Variants in ETV3 observed in about 807,000 individuals in gnomAD.
The protein encoded by ETV3 is ETS variant transcription factor 3, also known as ETS translocation variant 3.
ETV3 carries 8 observed loss-of-function variants against 33.0 expected under a neutral mutation model. That is an observed-to-expected ratio of 0.24 (90% confidence interval 0.14 to 0.44). The LOEUF is 0.44. Among genes scored for constraint, ETV3 ranks in the 20% least tolerant of loss-of-function variants. The pLI is 1.00. For synonymous variants in ETV3, 222 were observed against 238.9 expected (o/e 0.93, Z 0.65); for missense variants, 473 against 652.3 (o/e 0.73, Z 2.99).
At chr1:157,133,538 G>A in intron 4 of ETV3, 1 of 986,004 alleles carries the variant, frequency 1.0e-6, no homozygotes, top group Non-Finnish European at 1.2e-6. Context: ...AAGAGGGGAA[G>A]CCCTACTGCA....
At chr1:157,128,377 A>T in intron 4 of ETV3, 1 of 206,550 alleles carries the variant, frequency 4.8e-6, no homozygotes, top group South Asian at 7.7e-5. Context: ...TGATATTGAG[A>T]AAGGCAAGAA....
chr1:157,127,603 T>C (rs558192132), intron 4 of ETV3, among the ~76,000 whole-genome samples: 3 of 151,490 alleles, frequency 2.0e-5, no homozygotes, highest in South Asian at 2.1e-4. Context: ...TGGAGTGCAG[T>C]GGCACCATCT....
Position 157,135,512 on chromosome 1 carries a change from G to A in ETV3, c.243C>T (p.Cys81=). 6.2e-7 allele frequency: 1 copy of A among 1,613,980 alleles called. No individual in the cohort carries two copies. The highest frequency in any genetic ancestry group is 8.5e-7 in the Non-Finnish European group (1 of 1,179,922). ...EVARLWGRRK[C]KPQMNYDKLS... ...GCTTGTCATAATTCATCTGTGGTTT[G>A]CATTTCCTGCGGCCCCAGAGGCGGG... The change falls in exon 3 of 5, where the codon TGC becomes TGT. Residue 81 remains cysteine, a synonymous_variant. Transcript: ENST00000368192.
intron 4 of ETV3, among the ~76,000 whole-genome samples, chr1:157,127,525 T>C (rs1160726344): frequency 6.6e-6 from 1 of 151,824 alleles, no homozygotes; most frequent in African/African-American, 2.4e-5. Context: ...TAACATACAC[T>C]GTGCTACTTA....
chr1:157,134,939 A>T (rs1675062238), intron 3 of ETV3, among the ~76,000 whole-genome samples: 1 of 152,208 alleles, frequency 6.6e-6, no homozygotes, highest in African/African-American at 2.4e-5. Flanking sequence ...CGACAAGGGG[A>T]AAAAAGAACC....
At chr1:157,128,389 A>G in intron 4 of ETV3, 1 of 227,298 alleles carries the variant, frequency 4.4e-6, no homozygotes, top group South Asian at 6.2e-5. Context: ...AGGCAAGAAG[A>G]TTTGTGTTCA....
chr1:157,126,424 T>C (rs1277208909), intron 4 of ETV3, among the ~76,000 whole-genome samples: 1 of 152,278 alleles, frequency 6.6e-6, no homozygotes, highest in African/African-American at 2.4e-5. Context: ...TTTTTAGCTC[T>C]GCAAATAGTC....
Position 157,124,829 on chromosome 1 carries a change from C to T in ETV3, c.*12G>A. ...GATTATAGTATAAACAGCTCCTAAT[C>T]CACTTCCAGTTCTAAGCATCAGCAG... On this transcript the variant is annotated 3_prime_UTR_variant, in exon 5 of 5. Transcript: ENST00000368192. 5.6e-6 allele frequency: 7 copies of T among 1,260,458 alleles called. No homozygotes were observed. The highest frequency in any genetic ancestry group is 2.2e-4 in the Middle Eastern group (1 of 4,504). The allele number at this position is 1,260,458 out of a possible 1,614,324, so 78.1% of individuals were successfully genotyped here. A position where few individuals can be genotyped will look rare whatever the true frequency, so the allele number is the denominator to read the frequency against.
At chr1:157,132,038 C>G (rs1340844081) in intron 4 of ETV3, among the ~76,000 whole-genome samples, 1 of 152,234 alleles carries the variant, frequency 6.6e-6, no homozygotes, top group Non-Finnish European at 1.5e-5. Context: ...TCTCAGCTCA[C>G]TGCGACCTCT....
chr1:157,126,483 C>T (rs1263633246), intron 4 of ETV3, among the ~76,000 whole-genome samples: 11 of 152,122 alleles, frequency 7.2e-5, no homozygotes, highest in Admixed American at 1.3e-4. Flanking sequence ...GTGTGTGTGA[C>T]GAGGTAGAGG....
chr1:157,124,539 T>C lies in ETV3; in HGVS notation c.*302A>G, dbSNP rs1674778769. On this transcript the variant is annotated 3_prime_UTR_variant, in exon 5 of 5. Coordinates refer to ENST00000368192, the MANE Select transcript of ETV3 (RefSeq NM_001145312.3). The stretch of plus-strand genomic sequence containing the variant: ...GACTATCATGGGACCAAAAAGTATC[T>C]TGGCCCTTTGGGAGTTTCCTTGTCA... The C allele has an allele frequency of 4.0e-6, 1 of 249,604 alleles. No individual in the cohort carries two copies. The highest frequency in any genetic ancestry group is 2.2e-5 in the African/African-American group (1 of 44,678). 15.5% of individuals were successfully genotyped at this position (249,604 alleles called of 1,614,324 possible).
intron 4 of ETV3, among the ~76,000 whole-genome samples, chr1:157,126,213 T>C (rs1674831957): frequency 2.0e-5 from 3 of 152,204 alleles, no homozygotes; most frequent in Admixed American, 1.3e-4. Context: ...GTCAAAAACA[T>C]TGTAATTGCT....
chr1:157,136,707 G>A (rs537129097), intron 1 of ETV3, among the ~76,000 whole-genome samples: 6 of 152,212 alleles, frequency 3.9e-5, no homozygotes, highest in South Asian at 4.2e-4. Flanking sequence ...GTCCAAAAAC[G>A]CAGCCAAAAC....
intron 1 of ETV3, among the ~76,000 whole-genome samples, chr1:157,137,234 A>G (rs969495025): frequency 4.6e-5 from 7 of 152,084 alleles, no homozygotes; most frequent in Non-Finnish European, 8.8e-5. Context: ...CCAGAGGGAC[A>G]TGGAGGGAGG....
chr1:157,122,598 C>T lies in ETV3; in HGVS notation c.*2243G>A, dbSNP rs1674728715. ...GTATGCATCATGGATTCTTCTCCCTCGTATTTAAAAAGGCCTCGTGTTTCT... is the reference window on the plus strand; with the variant it reads ...GTATGCATCATGGATTCTTCTCCCTTGTATTTAAAAAGGCCTCGTGTTTCT... On this transcript the variant is annotated 3_prime_UTR_variant, in exon 5 of 5. Coordinates refer to ENST00000368192, the MANE Select transcript of ETV3 (RefSeq NM_001145312.3). The T allele has an allele frequency of 6.6e-6, 1 of 152,060 alleles. No homozygotes were observed. The highest frequency in any genetic ancestry group is 1.5e-5 in the Non-Finnish European group (1 of 68,038). The allele number at this position is 152,060 out of a possible 1,614,324, so 9.4% of individuals were successfully genotyped here. A position where few individuals can be genotyped will look rare whatever the true frequency, so the allele number is the denominator to read the frequency against.
intron 4 of ETV3, chr1:157,133,275 A>T: frequency 5.5e-6 from 2 of 366,942 alleles, no homozygotes; most frequent in Non-Finnish European, 7.6e-6. Flanking sequence ...GAGTGGGGTT[A>T]AGGGAAGAAA....
Position 157,125,495 on chromosome 1 carries a change from A to C in ETV3, c.885T>G (p.Pro295=). 1 of 1,552,208 alleles carries C rather than the reference A, an allele frequency of 6.4e-7. No homozygotes were observed. Among genetic ancestry groups the C allele is most frequent in the Non-Finnish European group, 8.7e-7 (1 of 1,147,116 alleles). ...AATGAAGGTAGTGTTTCATTTCCTCAGGGTTGAAGGAGAAGCAGCTGCTGC... is the reference window on the plus strand; with the variant it reads ...AATGAAGGTAGTGTTTCATTTCCTCCGGGTTGAAGGAGAAGCAGCTGCTGC... ...FTSSSCFSFN[P]EEMKHYLHSQ... Residue 295 remains proline, a synonymous_variant, in exon 5 of 5, where the codon CCT becomes CCG. Coordinates refer to ENST00000368192, the MANE Select transcript of ETV3 (RefSeq NM_001145312.3). The surrounding 1 kb of genome is among the most constrained non-coding windows in gnomAD (Gnocchi z 4.0).
intron 1 of ETV3, among the ~76,000 whole-genome samples, chr1:157,137,029 T>C (rs933000079): frequency 1.3e-5 from 2 of 152,320 alleles, no homozygotes; most frequent in East Asian, 1.9e-4. Flanking sequence ...AGAAAAATTA[T>C]ACATTTTCTC....
At position 157,123,661 on chromosome 1, in the gene ETV3, T is replaced by C. The variant is rs1674755950; in HGVS notation, c.*1180A>G. ...AACTCCCACAAGCCTGCCTTTTGGC[T>C]ACCCATCCCAACAATATCAAGAGGG... On this transcript the variant is annotated 3_prime_UTR_variant, in exon 5 of 5. Coordinates refer to ENST00000368192, the MANE Select transcript of ETV3 (RefSeq NM_001145312.3). The C allele has an allele frequency of 6.6e-6, 1 of 152,236 alleles. No homozygotes were observed. The highest frequency in any genetic ancestry group is 1.9e-4 in the East Asian group (1 of 5,200). The allele number at this position is 152,236 out of a possible 1,614,324, so 9.4% of individuals were successfully genotyped here.
Sources: gnomAD v4.1 joint callset for allele counts (sites outside exome capture counted in the v4.1 genomes callset) on GRCh38, gnomAD v4.1.1 for gene constraint, Gnocchi (gnomAD v3.1) non-coding constraint, MANE v1.5 for transcripts, NCBI Gene and HGNC (gene_info 2026-07-23, HGNC 2026-07-21) for gene names.